The following ZKSCAN4 variants were observed in gnomAD, a reference collection of about 807,000 sequenced individuals.
The protein encoded by ZKSCAN4 is zinc finger with KRAB and SCAN domains 4.
Under a neutral mutation model 30.8 loss-of-function variants are expected in ZKSCAN4, and 23 were observed. The observed-to-expected ratio is 0.75, with a 90% confidence interval of 0.54 to 1.06. The LOEUF is 1.06. Ranked by LOEUF, ZKSCAN4 falls within the 50% of genes least tolerant of loss-of-function variation. ZKSCAN4 has a pLI of 0.00. For synonymous variants in ZKSCAN4, 208 were observed against 252.5 expected (o/e 0.82, Z 1.67); for missense variants, 556 against 665.4 (o/e 0.84, Z 1.81).
Position 28,251,897 on chromosome 6 carries a change from C to T in ZKSCAN4, c.84G>A (p.Glu28=), listed in dbSNP as rs746669686. The T allele has an allele frequency of 5.8e-6, 9 of 1,540,234 alleles. No individual in the cohort carries two copies. The highest frequency in any genetic ancestry group is 4.4e-5 in the Admixed American group (2 of 45,254). ...CCGTCAAGGCGGAGGCTTCCTCCTT[C>T]TCCACCTTCACGGTCAGGAGCCCCG... The part of the protein sequence containing the change: ...DQTGLLTVKV[E]KEEASALTAE... The change falls in exon 1 of 5, where the codon GAG becomes GAA. Residue 28 remains glutamate (E), a synonymous_variant. Coordinates refer to ENST00000377294, the MANE Select transcript of ZKSCAN4 (RefSeq NM_019110.5). The surrounding 1 kb of genome is among the most constrained non-coding windows in gnomAD (Gnocchi z 4.5).
rs9357067 is a variant in ZKSCAN4 at position 28,242,515 on chromosome 6, C to G, written c.*2601G>C. Among the ~76,000 whole-genome samples, 31,077 of 152,112 alleles carry G rather than the reference C, an allele frequency of 0.2. 3,604 individuals carry two copies. The highest frequency in any genetic ancestry group is 0.3 in the African/African-American group (12,638 of 41,472). ...GGCACTGAAGGCCCCTACAATGTCCCTATCTCTTAAAATTTGCTTTATTTA... is the reference window on the plus strand; with the variant it reads ...GGCACTGAAGGCCCCTACAATGTCCGTATCTCTTAAAATTTGCTTTATTTA... On this transcript the variant is annotated 3_prime_UTR_variant, in exon 5 of 5. Coordinates refer to ENST00000377294, the MANE Select transcript of ZKSCAN4 (RefSeq NM_019110.5).
At chr6:28,250,379 A>G (rs1760941373) in intron 1 of ZKSCAN4, among the ~76,000 whole-genome samples, 1 of 152,140 alleles carries the variant, frequency 6.6e-6, no homozygotes, top group African/African-American at 2.4e-5. Flanking sequence ...AAGGGTGGAC[A>G]GTGTTTAAGC....
chr6:28,243,299 C>T lies in ZKSCAN4; in HGVS notation c.*1817G>A, dbSNP rs944301872. ...GGGAGAGCTCTACGGTTTTGTAAGT[C>T]TCTGGTCAGCCTGTGGTATTTCAGA... is the stretch of plus-strand genomic sequence containing the variant. On this transcript the variant is annotated 3_prime_UTR_variant, in exon 5 of 5. Transcript: ENST00000377294. Among the ~76,000 whole-genome samples the T allele has an allele frequency of 2.6e-5, 4 of 152,198 alleles. No individual in the cohort carries two copies. The highest frequency in any genetic ancestry group is 4.8e-5 in the African/African-American group (2 of 41,436).
Position 28,245,708 on chromosome 6 carries a change from T to A in ZKSCAN4, c.1046A>T (p.Glu349Val), listed in dbSNP as rs1379444021. ...GAAGGTCTTTCCACAGTCTTCACAT[T>A]CATAGGGTTTCTCACCAGTGTGGAT... is the stretch of plus-strand genomic sequence containing the variant. The part of the protein sequence containing the change: ...RRIHTGEKPY[E>V]CEDCGKTFIG... The change falls in exon 5 of 5, where the codon GAA (glutamate) becomes GTA (valine). Residue 349 changes from glutamate to valine, a missense_variant. Glu to Val is a moderately radical substitution (Grantham distance 121, BLOSUM62 -2). Around this residue, in one of 3 missense-constraint regions of ZKSCAN4, gnomAD observed 433 missense variants for 511.5 expected, o/e 0.85. Coordinates refer to ENST00000377294, the MANE Select transcript of ZKSCAN4 (RefSeq NM_019110.5). 6.2e-7 allele frequency: 1 copy of A among 1,614,254 alleles called. No homozygotes were observed. The highest frequency in any genetic ancestry group is 8.5e-7 in the Non-Finnish European group (1 of 1,180,042).
upstream of ZKSCAN4, among the ~76,000 whole-genome samples, chr6:28,254,023 A>G (rs1364802457): frequency 6.6e-6 from 1 of 152,216 alleles, no homozygotes; most frequent in African/African-American, 2.4e-5. Flanking sequence ...TTAAAAAATC[A>G]ATCAGCCAAA....
upstream of ZKSCAN4, among the ~76,000 whole-genome samples, chr6:28,257,113 T>C (rs183295477): frequency 4.3e-4 from 66 of 152,306 alleles, no homozygotes; most frequent in Non-Finnish European, 3.4e-4. Context: ...TACTCAATTA[T>C]TATAGTTTGA....
chr6:28,253,831 G>A (rs975972747), upstream of ZKSCAN4, among the ~76,000 whole-genome samples: 7 of 152,076 alleles, frequency 4.6e-5, no homozygotes, highest in African/African-American at 7.2e-5. The surrounding 1 kb of genome is among the most constrained non-coding windows in gnomAD (Gnocchi z 4.2). Context: ...TCAGCCACCC[G>A]AGTAGCTGGG....
rs994874246 is a variant in ZKSCAN4, at chr6:28,249,180, C to T, written c.571+507G>A. On this transcript the variant is annotated intron_variant, in intron 2 of 4. Coordinates refer to ENST00000377294, the MANE Select transcript of ZKSCAN4 (RefSeq NM_019110.5). This position sits in a 1 kb window ranked among gnomAD's most constrained non-coding sequence, Gnocchi z 4.1. ...TTCACTCTTCTAGTCACAGGCTTTA[C>T]AGGGTTTAGATTTACACTCTTCTAT... 4.6e-5 allele frequency among the ~76,000 whole-genome samples: 7 copies of T among 152,222 alleles called. No individual in the cohort carries two copies. Among genetic ancestry groups the T allele is most frequent in the Non-Finnish European group, 8.8e-5 (6 of 68,032 alleles).
chr6:28,248,839 AAAAAAG>A (rs1478066284), intron 2 of ZKSCAN4, among the ~76,000 whole-genome samples: 114 of 127,796 alleles, frequency 8.9e-4, no homozygotes, highest in East Asian at 6.8e-3. Context: ...AAAAAAAAAA[AAAAAAG>A]AAAAAAGAAA....
At chr6:28,257,745 A>G in the ZKSCAN4 span, among the ~76,000 whole-genome samples, 2 of 152,226 alleles carry the variant, frequency 1.3e-5, no homozygotes, top group Admixed American at 1.3e-4. Flanking sequence ...CCCCTAGTCT[A>G]GGTCATAACT....
Position 28,245,379 on chromosome 6 carries a change from C to A in ZKSCAN4, c.1375G>T (p.Val459Phe). 1 of 1,614,232 alleles carries A rather than the reference C, an allele frequency of 6.2e-7. No homozygotes were observed. The highest frequency in any genetic ancestry group is 8.5e-7 in the Non-Finnish European group (1 of 1,180,042). The change falls in exon 5 of 5, where the codon GTT becomes TTT. Residue 459 changes from valine to phenylalanine, a missense_variant. Coordinates refer to ENST00000377294, the MANE Select transcript of ZKSCAN4 (RefSeq NM_019110.5). ...GACTCCCCGTGCTCAGGATTCTGAA[C>A]ATTTTTATCACCATGAATCCTCTGA... The part of the protein sequence containing the change: ...RHQRIHGDKN[V>F]QNPEHGESWE...
chr6:28,247,076 T>C lies in ZKSCAN4; in HGVS notation c.671A>G (p.Glu224Gly), dbSNP rs1188070078. ...AGGAGTGAGGGTCAGGGCCACATCT[T>C]CCATTTTCAGCAAACCCTAAAACAA... ...TPGSQGLLKM[E>G]DVALTLTPGW... The change falls in exon 4 of 5, where the codon GAA becomes GGA. Residue 224 changes from glutamate (E) to glycine (G), a missense_variant. Physicochemically the swap from Glu to Gly is moderately conservative, Grantham distance 98 (BLOSUM62 -2). Coordinates refer to ENST00000377294, the MANE Select transcript of ZKSCAN4 (RefSeq NM_019110.5). 1 of 1,609,094 alleles carries C rather than the reference T, an allele frequency of 6.2e-7. No homozygotes were observed. Among genetic ancestry groups the C allele is most frequent in the African/African-American group, 1.3e-5 (1 of 74,714 alleles).
At position 28,244,405 on chromosome 6, in the gene ZKSCAN4, C is replaced by T. The variant is rs1760615681; in HGVS notation, c.*711G>A. The stretch of plus-strand genomic sequence containing the variant: ...AGACAGTGGAGTTCTATGGATGGAG[C>T]AATCTCACAGTGTCTTAATGATAAA... On this transcript the variant is annotated 3_prime_UTR_variant, in exon 5 of 5. Transcript: ENST00000377294. Among the ~76,000 whole-genome samples the T allele has an allele frequency of 6.6e-6, 1 of 152,106 alleles. No individual in the cohort carries two copies. Among genetic ancestry groups the T allele is most frequent in the African/African-American group, 2.4e-5 (1 of 41,408 alleles).
rs765289661 is a variant in ZKSCAN4 at position 28,242,936 on chromosome 6, T to C, written c.*2180A>G. 6.6e-6 allele frequency among the ~76,000 whole-genome samples: 1 copy of C among 152,244 alleles called. No individual in the cohort carries two copies. Among genetic ancestry groups the C allele is most frequent in the Non-Finnish European group, 1.5e-5 (1 of 68,040 alleles). On this transcript the variant is annotated 3_prime_UTR_variant, in exon 5 of 5. Coordinates refer to ENST00000377294, the MANE Select transcript of ZKSCAN4 (RefSeq NM_019110.5). The stretch of plus-strand genomic sequence containing the variant: ...TTAGTTAATCTCAGGAAGTTATATT[T>C]GTATAATGCTTTCTGGTTTGTAAAA...
At position 28,245,535 on chromosome 6, in the gene ZKSCAN4, C is replaced by A; in HGVS notation, c.1219G>T (p.Asp407Tyr). The A allele has an allele frequency of 6.2e-7, 1 of 1,614,218 alleles. No homozygotes were observed. Among genetic ancestry groups the A allele is most frequent in the Admixed American group, 1.7e-5 (1 of 60,026 alleles). Residue 407 changes from aspartate to tyrosine, a missense_variant, in exon 5 of 5, where the codon GAT becomes TAT. By Grantham distance (160) the Asp-to-Tyr change is radical. Around this residue, in one of 3 missense-constraint regions of ZKSCAN4, gnomAD observed 433 missense variants for 511.5 expected, o/e 0.85. Coordinates refer to ENST00000377294, the MANE Select transcript of ZKSCAN4 (RefSeq NM_019110.5). ...TGGCTGAAGGTCTTCCCACAGTCAT[C>A]ACACTCATAGGGCTTCTCCCCAGTG... is the stretch of plus-strand genomic sequence containing the variant. ...THTGEKPYEC[D>Y]DCGKTFSQSC...
At chr6:28,254,038 A>G (rs10456362), upstream of ZKSCAN4, among the ~76,000 whole-genome samples, 128,852 of 152,214 alleles carry the variant, frequency 0.85, 54,717 homozygotes, top group Middle Eastern at 0.96. Flanking sequence ...GCCAAATCCA[A>G]CATGTGGGAC....
chr6:28,252,623 C>T (rs559530215), upstream of ZKSCAN4, among the ~76,000 whole-genome samples: 6 of 152,270 alleles, frequency 3.9e-5, 1 homozygote, highest in Admixed American at 3.9e-4. Context: ...AACATCAAAG[C>T]AGCAGAACAC....
intron 4 of ZKSCAN4, among the ~76,000 whole-genome samples, chr6:28,246,424 C>T (rs1207282345): frequency 6.6e-6 from 1 of 152,116 alleles, no homozygotes; most frequent in Non-Finnish European, 1.5e-5. Context: ...ACCGTCATCT[C>T]TAACTGTGCC....
Position 28,245,242 on chromosome 6 carries a change from T to C in ZKSCAN4, c.1512A>G (p.Glu504=). Residue 504 remains glutamate (E), a synonymous_variant, in exon 5 of 5, where the codon GAA becomes GAG. Transcript: ENST00000377294. ...RSFTRNRSLI[E]HQKIHTGEKP... Reference sequence around the variant, plus strand: ...TCTCACCAGTGTGGATTTTCTGATGTTCAATAAGACTTCTATTCCGTGTGA... The same window carrying C: ...TCTCACCAGTGTGGATTTTCTGATGCTCAATAAGACTTCTATTCCGTGTGA... The C allele has an allele frequency of 1.2e-6, 2 of 1,613,562 alleles. No homozygotes were observed. The highest frequency in any genetic ancestry group is 1.7e-6 in the Non-Finnish European group (2 of 1,179,878).
Sources: allele counts gnomAD v4.1 joint callset (sites outside exome capture counted in the v4.1 genomes callset), GRCh38; gene constraint gnomAD v4.1.1; regional missense constraint gnomAD v4.1.1; non-coding constraint Gnocchi (gnomAD v3.1); transcripts MANE v1.5; gene names NCBI Gene and HGNC (gene_info 2026-07-23, HGNC 2026-07-21).